Variants in SLC4A1 observed in about 807,000 individuals in gnomAD.
SLC4A1 encodes solute carrier family 4 member 1 (Diego blood group), also known as band 3 anion transport protein.
In SLC4A1, 29 loss-of-function variants were observed where a neutral mutation model predicts 93.1. That is an observed-to-expected ratio of 0.31 (90% CI 0.23 to 0.42). SLC4A1 has a LOEUF of 0.42. Among genes scored for constraint, SLC4A1 ranks in the 20% least tolerant of loss-of-function variants. The probability of loss-of-function intolerance (pLI) is 1.00; values close to 1 mark genes in which losing one functional copy is unlikely to be tolerated. For missense variants in SLC4A1, 965 were observed against 1,190.1 expected (o/e 0.81, Z 2.78); for synonymous variants, 469 against 497.2 (o/e 0.94, Z 0.76).
At position 44,254,278 on chromosome 17, in the gene SLC4A1, G is replaced by T. The variant is rs372471892; in HGVS notation, c.2057+218C>A. 2.7e-3 allele frequency among the ~76,000 whole-genome samples: 410 copies of T among 149,252 alleles called. 2 individuals are homozygous for T. The highest frequency in any genetic ancestry group is 9.3e-3 in the African/African-American group (381 of 40,830). On this transcript the variant is annotated intron_variant, in intron 16 of 19. Coordinates refer to ENST00000262418, the MANE Select transcript of SLC4A1 (RefSeq NM_000342.4). ...GGCGTGAGCCACCGCGCCCGGCCACGTTTTTTTTTTCTTAAAAAGAGCTCT... is the reference window on the plus strand; with the variant it reads ...GGCGTGAGCCACCGCGCCCGGCCACTTTTTTTTTTTCTTAAAAAGAGCTCT...
chr17:44,257,481 G>C lies in SLC4A1; in HGVS notation c.1495C>G (p.Leu499Val). Residue 499 changes from leucine to valine, a missense_variant, in exon 13 of 20, where the codon CTG (leucine) becomes GTG (valine). Leu to Val is a conservative substitution (Grantham distance 32). This residue lies in a region of SLC4A1 where 770 missense variants were observed against 1,006.6 expected (regional missense o/e 0.76). Transcript: ENST00000262418. The stretch of plus-strand genomic sequence containing the variant: ...AAGGCCACCACCAACACCACCAGCA[G>C]GATGAGCCAGAAGCCGATCCACACG... ...GRVWIGFWLI[L>V]LVVLVVAFEG... The C allele has an allele frequency of 6.2e-7, 1 of 1,613,870 alleles. No individual in the cohort carries two copies. The highest frequency in any genetic ancestry group is 8.5e-7 in the Non-Finnish European group (1 of 1,179,938).
chr17:44,255,881 C>A (rs1706465415), intron 13 of SLC4A1, 35 bp from the exon 14 acceptor site: 1 of 1,612,238 alleles, frequency 6.2e-7, no homozygotes, highest in Non-Finnish European at 8.5e-7. Context: ...TGTTCTCTCC[C>A]AGCTTTGGCT....
At chr17:44,256,177 G>A (rs2047387815) in intron 13 of SLC4A1, among the ~76,000 whole-genome samples, 1 of 151,630 alleles carries the variant, frequency 6.6e-6, no homozygotes, top group Non-Finnish European at 1.5e-5. Flanking sequence ...CCATCCATCC[G>A]TCCATCCATT....
chr17:44,260,379 T>G (rs763898672), intron 6 of SLC4A1, 25 bp downstream of exon 6: 75 of 1,604,750 alleles, frequency 4.7e-5, no homozygotes, highest in Non-Finnish European at 5.6e-5. Flanking sequence ...GGATATGGAA[T>G]CCAGGCCCTG....
chr17:44,262,456 C>T (rs2047454227), intron 3 of SLC4A1, among the ~76,000 whole-genome samples, 180 bp downstream of exon 3: 1 of 152,240 alleles, frequency 6.6e-6, no homozygotes, highest in African/African-American at 2.4e-5. Context: ...CTCTCCCAGC[C>T]ACCTCCTGTG....
In SLC4A1 at chr17:44,258,054, A is replaced by G. The variant is rs1326337460; in HGVS notation, c.1214T>C (p.Val405Ala). The G allele has an allele frequency of 6.2e-7, 1 of 1,614,046 alleles. No homozygotes were observed. Among genetic ancestry groups the G allele is most frequent in the East Asian group, 2.2e-5 (1 of 44,868 alleles). ...GTAGATGAAGATGACGGCAGCCAGG[A>G]CCTGGGGGCTGAATGCATCTGTGAT... ...SDITDAFSPQ[V>A]LAAVIFIYFA... The change falls in exon 11 of 20, where the codon GTC becomes GCC. Residue 405 changes from valine to alanine, a missense_variant. Val to Ala is a moderately conservative substitution (Grantham distance 64). This residue lies in a region of SLC4A1 where 770 missense variants were observed against 1,006.6 expected (regional missense o/e 0.76). Coordinates refer to ENST00000262418, the MANE Select transcript of SLC4A1 (RefSeq NM_000342.4). This position sits in a 1 kb window ranked among gnomAD's most constrained non-coding sequence, Gnocchi z 6.1.
At chr17:44,262,820 T>G (rs1231996349) in intron 2 of SLC4A1, 32 bp downstream of exon 2, 1 of 1,612,318 alleles carries the variant, frequency 6.2e-7, no homozygotes, top group Non-Finnish European at 8.5e-7. Flanking sequence ...AGCCTCCAGG[T>G]GGGAGCACTG....
intron 1 of SLC4A1, among the ~76,000 whole-genome samples, chr17:44,263,554 A>G (rs1015399788): frequency 5.9e-5 from 9 of 152,010 alleles, no homozygotes; most frequent in Non-Finnish European, 1.3e-4. Flanking sequence ...TTGCACATCC[A>G]GCTGTCCATA....
At position 44,249,522 on chromosome 17, in the gene SLC4A1, C is replaced by A. The variant is rs1051135906; in HGVS notation, c.*936G>T. On this transcript the variant is annotated 3_prime_UTR_variant, in exon 20 of 20. Coordinates refer to ENST00000262418, the MANE Select transcript of SLC4A1 (RefSeq NM_000342.4). ...ATGTAGAATCAACTGTACCTTGCCC[C>A]CCACCCCCACCCCAGGGCAGGGCTT... The A allele has an allele frequency of 2.9e-5, 6 of 208,252 alleles. No homozygotes were observed. The South Asian group carries it at 3.6e-4, about 12-fold the overall frequency. The allele number at this position is 208,252 out of a possible 1,614,324, so 12.9% of individuals were successfully genotyped here.
chr17:44,249,318 G>A lies in SLC4A1; in HGVS notation c.*1140C>T. 2.7e-6 allele frequency: 1 copy of A among 366,228 alleles called. No homozygotes were observed. The highest frequency in any genetic ancestry group is 5.3e-6 in the Non-Finnish European group (1 of 188,034). The allele number at this position is 366,228 out of a possible 1,614,324, so 22.7% of individuals were successfully genotyped here. The stretch of plus-strand genomic sequence containing the variant: ...CTCCTACCCCAATTGGTCAGATCTG[G>A]GTTCTCCCCAAGATTCAGTTTAGAT... On this transcript the variant is annotated 3_prime_UTR_variant, in exon 20 of 20. Coordinates refer to ENST00000262418, the MANE Select transcript of SLC4A1 (RefSeq NM_000342.4).
intron 17 of SLC4A1, among the ~76,000 whole-genome samples, chr17:44,252,513 C>T (rs2047352173): frequency 6.6e-6 from 1 of 152,196 alleles, no homozygotes; most frequent in African/African-American, 2.4e-5. Flanking sequence ...CCTTTCTCCT[C>T]ACCCCAGCCC....
intron 1 of SLC4A1, among the ~76,000 whole-genome samples, chr17:44,264,505 A>T (rs2047479002): frequency 6.6e-6 from 1 of 152,212 alleles, no homozygotes; most frequent in East Asian, 1.9e-4. Context: ...TTCTTGATTG[A>T]TTTGTGTTCA....
chr17:44,260,256 T>G, intron 6 of SLC4A1, 148 bp downstream of exon 6: 1 of 1,027,542 alleles, frequency 9.7e-7, no homozygotes, highest in East Asian at 2.6e-5. Context: ...CCTTTCAAGG[T>G]GTCAGAGATG....
At chr17:44,260,922 G>A in intron 4 of SLC4A1, 107 bp from the exon 5 acceptor site, 1 of 1,291,930 alleles carries the variant, frequency 7.7e-7, no homozygotes, top group Non-Finnish European at 1.1e-6. Flanking sequence ...GGATCCCTGT[G>A]CTCAAGGGTC....
rs45562031 is a variant in SLC4A1 at position 44,261,625 on chromosome 17, C to T, written c.118G>A (p.Glu40Lys). Reference sequence around the variant, plus strand: ...GTGTGGTAGTCTGTGGCTGTTGCCTCGGTGTCGTGAGCTGAAAACCAGAGG... The same window carrying T: ...GTGTGGTAGTCTGTGGCTGTTGCCTTGGTGTCGTGAGCTGAAAACCAGAGG... ...QMEEPAAHDT[E>K]ATATDYHTTS... The change falls in exon 4 of 20, where the codon GAG becomes AAG. Residue 40 changes from glutamate to lysine, a missense_variant. Around this residue, in one of 2 missense-constraint regions of SLC4A1, gnomAD observed 195 missense variants for 183.5 expected, o/e 1.06. Transcript: ENST00000262418. 23,414 of 1,614,150 alleles carry T rather than the reference C, an allele frequency of 0.015. 222 individuals are homozygous for T. The highest frequency in any genetic ancestry group is 0.018 in the Non-Finnish European group (21,014 of 1,179,986).
At position 44,249,506 on chromosome 17, in the gene SLC4A1, C is replaced by G. The variant is rs2047320873; in HGVS notation, c.*952G>C. The G allele has an allele frequency of 5.0e-6, 1 of 201,496 alleles. No homozygotes were observed. The highest frequency in any genetic ancestry group is 3.0e-5 in the African/African-American group (1 of 33,614). The allele number at this position is 201,496 out of a possible 1,614,324, so 12.5% of individuals were successfully genotyped here. A position where few individuals can be genotyped will look rare whatever the true frequency, so the allele number is the denominator to read the frequency against. ...CCCACTCCCTATCCAAATGTAGAAT[C>G]AACTGTACCTTGCCCCCCACCCCCA... is the stretch of plus-strand genomic sequence containing the variant. On this transcript the variant is annotated 3_prime_UTR_variant, in exon 20 of 20. Transcript: ENST00000262418.
intron 1 of SLC4A1, among the ~76,000 whole-genome samples, chr17:44,267,283 GACTTCA>G (rs1447948337): frequency 1.3e-5 from 2 of 152,206 alleles, no homozygotes; most frequent in Non-Finnish European, 2.9e-5. Context: ...AACGGCGTGT[GACTTCA>G]ACTCTCTGTG....
At chr17:44,266,365 C>T (rs2047496056) in intron 1 of SLC4A1, among the ~76,000 whole-genome samples, 1 of 152,216 alleles carries the variant, frequency 6.6e-6, no homozygotes. Context: ...GGTGTCTAAG[C>T]CTTAGGTACT....
In SLC4A1 at chr17:44,255,736, G is replaced by C. The variant is rs773192966; in HGVS notation, c.1737C>G (p.Ala579=). The change falls in exon 14 of 20, where the codon GCC becomes GCG. Residue 579 remains alanine (A), a synonymous_variant. Transcript: ENST00000262418. The part of the protein sequence containing the change: ...NTALLSLVLM[A]GTFFFAMMLR... ...GCATCATGGCAAAGAAGAAGGTACC[G>C]GCCATGAGCACAAGGGAGAGGAGGG... 5 of 1,614,114 alleles carry C rather than the reference G, an allele frequency of 3.1e-6. No homozygotes were observed. The highest frequency in any genetic ancestry group is 1.7e-5 in the Admixed American group (1 of 60,020).
Sources: allele counts gnomAD v4.1 joint callset (sites outside exome capture counted in the v4.1 genomes callset), GRCh38; gene constraint gnomAD v4.1.1; regional missense constraint gnomAD v4.1.1; non-coding constraint Gnocchi (gnomAD v3.1); transcripts MANE v1.5; gene names NCBI Gene and HGNC (gene_info 2026-07-23, HGNC 2026-07-21).